TIAM1: variants seen among roughly 807,000 people sequenced by gnomAD.
The protein encoded by TIAM1 is rho guanine nucleotide exchange factor TIAM1.
A neutral mutation model predicts 163.5 loss-of-function variants in TIAM1; 65 were observed. The ratio of observed to expected loss-of-function variants is 0.40; its 90% CI spans 0.33 to 0.49. The LOEUF (loss-of-function observed/expected upper bound fraction) is 0.49, where lower values mean the gene tolerates loss of function less well. Among genes scored for constraint, TIAM1 ranks in the 20% least tolerant of loss-of-function variants. The probability of loss-of-function intolerance (pLI) is 0.77; values close to 1 mark genes in which losing one functional copy is unlikely to be tolerated. For missense variants in TIAM1, 1,789 were observed against 2,044.7 expected, an observed-to-expected ratio of 0.87 and a Z score of 2.41; for synonymous variants, 833 against 810.1, an observed-to-expected ratio of 1.03 and a Z score of -0.48.
chr21:31,421,760 C>G (rs2043582460), intron 2 of TIAM1, among the ~76,000 whole-genome samples: 1 of 152,042 alleles, frequency 6.6e-6, no homozygotes, highest in Non-Finnish European at 1.5e-5. Flanking sequence ...AAGGCCATGG[C>G]AGGAGGACGG....
intron 15 of TIAM1, among the ~76,000 whole-genome samples, chr21:31,181,378 G>A (rs1261739159): frequency 6.6e-6 from 1 of 152,138 alleles, no homozygotes; most frequent in Non-Finnish European, 1.5e-5. Flanking sequence ...AATTTGCAGG[G>A]TTGTGGGGGC....
chr21:31,209,926 G>A (rs1245202909), intron 11 of TIAM1, 119 bp downstream of exon 11: 13 of 996,970 alleles, frequency 1.3e-5, no homozygotes, highest in Non-Finnish European at 1.7e-5. Context: ...GAAATGAAAG[G>A]GAGGTGTGTT....
At chr21:31,260,123 T>TA (rs984601725) in intron 4 of TIAM1, among the ~76,000 whole-genome samples, 1 of 147,856 alleles carries the variant, frequency 6.8e-6, no homozygotes, top group African/African-American at 2.5e-5. Flanking sequence ...TTTTTTTTTT[T>TA]AGAGGCGAGG....
chr21:31,487,893 T>C (rs970914591), intron 1 of TIAM1, among the ~76,000 whole-genome samples: 2 of 151,654 alleles, frequency 1.3e-5, no homozygotes, highest in African/African-American at 2.4e-5. Flanking sequence ...GGTTTCGCCA[T>C]GTTGGCCAGG....
intron 1 of TIAM1, among the ~76,000 whole-genome samples, chr21:31,501,559 T>A (rs938477021): frequency 6.6e-6 from 1 of 151,774 alleles, no homozygotes; most frequent in Non-Finnish European, 1.5e-5. Context: ...TATTTCTCAC[T>A]GGAACCCACC....
intron 2 of TIAM1, among the ~76,000 whole-genome samples, chr21:31,327,643 CAAAAAAAA>C (rs373702154): frequency 2.9e-5 from 2 of 69,464 alleles, no homozygotes; most frequent in Non-Finnish European, 5.1e-5. Flanking sequence ...GCCGCCATCT[CAAAAAAAA>C]AAAAAAAAAA....
chr21:31,384,389 AC>A (rs1364048979), intron 2 of TIAM1, among the ~76,000 whole-genome samples: 14 of 103,384 alleles, frequency 1.4e-4, no homozygotes, highest in Admixed American at 2.5e-4. Flanking sequence ...ACATGGCAAG[AC>A]CCCATCTCTA....
intron 9 of TIAM1, among the ~76,000 whole-genome samples, chr21:31,214,368 A>T: frequency 6.6e-6 from 1 of 151,984 alleles, no homozygotes; most frequent in South Asian, 2.1e-4. Flanking sequence ...AAAGAAAAAG[A>T]AAAATATAAA....
At chr21:31,430,245 T>TATAC (rs1215756712) in intron 2 of TIAM1, among the ~76,000 whole-genome samples, 1 of 128,170 alleles carries the variant, frequency 7.8e-6, no homozygotes, top group African/African-American at 3.3e-5. Context: ...TATATATATA[T>TATAC]ATACACACAC....
At chr21:31,340,095 C>G (rs938472808) in intron 1 of TIAM1, among the ~76,000 whole-genome samples, 30 of 151,936 alleles carry the variant, frequency 2.0e-4, no homozygotes, top group African/African-American at 5.3e-4. Context: ...TTGAGCAAAG[C>G]AGAACTTTAG....
chr21:31,247,459 A>C (rs1455979299), intron 5 of TIAM1, among the ~76,000 whole-genome samples: 1 of 152,010 alleles, frequency 6.6e-6, no homozygotes, highest in African/African-American at 2.4e-5. Context: ...CAGTGGCACA[A>C]TCATAGCTCA....
chr21:31,261,371 G>A (rs1026637957), intron 4 of TIAM1, among the ~76,000 whole-genome samples: 6 of 151,496 alleles, frequency 4.0e-5, no homozygotes, highest in Non-Finnish European at 7.4e-5. Flanking sequence ...GTGTGGGTGT[G>A]TGCTTTGGAA....
chr21:31,479,455 A>AGATGGATG (rs948957150), intron 1 of TIAM1, among the ~76,000 whole-genome samples: 1 of 67,980 alleles, frequency 1.5e-5, no homozygotes, highest in African/African-American at 5.2e-5. Context: ...ATGGATGGAT[A>AGATGGATG]GATGGATGGA....
rs748109432 is a variant in TIAM1 at position 31,223,444 on chromosome 21, G to T, written c.1957C>A (p.Arg653Ser). 1 of 1,613,678 alleles carries T rather than the reference G, an allele frequency of 6.2e-7. No homozygotes were observed. Among genetic ancestry groups the T allele is most frequent in the Non-Finnish European group, 8.5e-7 (1 of 1,179,716 alleles). ...ASRPTKVAMG[R>S]LGIFSVSSFH... Reference sequence around the variant, plus strand: ...GATGATACCGAAAAGATTCCAAGGCGGCCCATGGCCACTTTCGTTGGTCGA... The same window carrying T: ...GATGATACCGAAAAGATTCCAAGGCTGCCCATGGCCACTTTCGTTGGTCGA... Residue 653 changes from arginine (R) to serine (S), a missense_variant, in exon 8 of 28, where the codon CGC becomes AGC. Transcript: ENST00000541036.
At chr21:31,487,600 G>A (rs1239776744) in intron 1 of TIAM1, among the ~76,000 whole-genome samples, 4 of 143,220 alleles carry the variant, frequency 2.8e-5, no homozygotes, top group Non-Finnish European at 6.0e-5. Context: ...GCCCAGGCCG[G>A]ACTGCGGACT....
At chr21:31,389,988 A>G (rs942489933) in intron 2 of TIAM1, among the ~76,000 whole-genome samples, 2 of 152,218 alleles carry the variant, frequency 1.3e-5, no homozygotes, top group Admixed American at 1.3e-4. Flanking sequence ...GCCTTGGAAC[A>G]TATCACTTTT....
chr21:31,124,903 C>T lies in TIAM1; in HGVS notation c.4134-209G>A, dbSNP rs73899657. Among the ~76,000 whole-genome samples the T allele has an allele frequency of 9.0e-3, 1,366 of 152,168 alleles. 22 individuals are homozygous for T. The highest frequency in any genetic ancestry group is 0.032 in the African/African-American group (1,316 of 41,556). ...CCCTTCATGCTTTGTGATCTATCTC[C>T]TGGCGCTGATGTGGGGCAGAGTAGC... is the stretch of plus-strand genomic sequence containing the variant. On this transcript the variant is annotated intron_variant, in intron 26 of 27. Coordinates refer to ENST00000541036, the MANE Select transcript of TIAM1 (RefSeq NM_001353694.2).
chr21:31,386,470 C>A (rs574845430), intron 2 of TIAM1, among the ~76,000 whole-genome samples: 1 of 152,154 alleles, frequency 6.6e-6, no homozygotes, highest in African/African-American at 2.4e-5. Context: ...AATGCAACCA[C>A]GTGCAAAGGT....
At chr21:31,182,302 C>G in intron 15 of TIAM1, 119 bp downstream of exon 15, 1 of 848,598 alleles carries the variant, frequency 1.2e-6, no homozygotes, top group Admixed American at 3.3e-5. Context: ...CTTGCACACA[C>G]ATTTTATACC....
Sources: allele counts gnomAD v4.1 joint callset (sites outside exome capture counted in the v4.1 genomes callset), GRCh38; gene constraint gnomAD v4.1.1; transcripts MANE v1.5; gene names NCBI Gene and HGNC (gene_info 2026-07-23, HGNC 2026-07-21).